The following MAGI2 variants were observed in gnomAD, a reference collection of about 807,000 sequenced individuals.
MAGI2 encodes membrane-associated guanylate kinase, WW and PDZ domain-containing protein 2.
In MAGI2, 35 loss-of-function variants were observed where a neutral mutation model predicts 133.3. That is an observed-to-expected ratio of 0.26 (90% CI 0.20 to 0.35). The LOEUF is 0.35. MAGI2 is among the 10% of genes least tolerant of loss of function. The pLI is 1.00. For synonymous variants in MAGI2, 729 were observed against 710.6 expected (o/e 1.03, Z -0.41); for missense variants, 1,636 against 1,863.4 (o/e 0.88, Z 2.25).
At chr7:78,620,254 A>T (rs1807584369) in intron 3 of MAGI2, among the ~76,000 whole-genome samples, 1 of 152,014 alleles carries the variant, frequency 6.6e-6, no homozygotes, top group Non-Finnish European at 1.5e-5. Context: ...GCCAATAATG[A>T]TTTTTTATGA....
intron 3 of MAGI2, chr7:78,615,039 T>A (rs1806926258): frequency 6.6e-6 from 1 of 152,146 alleles, no homozygotes; most frequent in Admixed American, 6.6e-5. Flanking sequence ...ATGACTCAAT[T>A]TTCGCATTCC....
chr7:79,206,714 T>C (rs1371641805), intron 1 of MAGI2, among the ~76,000 whole-genome samples: 1 of 151,952 alleles, frequency 6.6e-6, no homozygotes, highest in Admixed American at 6.6e-5. Flanking sequence ...AAACTTATTT[T>C]ATGTGGCCAG....
intron 1 of MAGI2, among the ~76,000 whole-genome samples, chr7:79,211,741 T>A (rs1468288080): frequency 6.6e-6 from 1 of 152,110 alleles, no homozygotes; most frequent in Admixed American, 6.5e-5. Context: ...AAAAGATAAT[T>A]AATTTTGTAA....
intron 4 of MAGI2, among the ~76,000 whole-genome samples, chr7:78,509,070 T>C (rs1305017648): frequency 6.6e-6 from 1 of 152,100 alleles, no homozygotes; most frequent in African/African-American, 2.4e-5. Flanking sequence ...AACACTGACA[T>C]TTTTTGTGCA....
chr7:78,705,120 C>T (rs938232355), intron 2 of MAGI2, among the ~76,000 whole-genome samples: 6 of 152,012 alleles, frequency 3.9e-5, no homozygotes, highest in African/African-American at 1.4e-4. Context: ...TAGTTTGGCT[C>T]TGTGTTCCCA....
chr7:78,057,977 GTATATATATA>G lies in MAGI2; in HGVS notation c.3706+20960_3706+20969del, dbSNP rs58788674. On this transcript the variant is annotated intron_variant, in intron 21 of 21. Coordinates refer to ENST00000354212, the MANE Select transcript of MAGI2 (RefSeq NM_012301.4). ...CCCCTCTGGCATTTTATATATATGT[GTATATATATA>G]TATATATATATATATATGTATGAGA... 6.9e-3 allele frequency among the ~76,000 whole-genome samples: 738 copies of G among 106,610 alleles called. 60 individuals are homozygous for G. Among genetic ancestry groups the G allele is most frequent in the African/African-American group, 0.023 (692 of 29,762 alleles). The allele number at this position is 106,610 out of a possible 152,430, so 69.9% of individuals were successfully genotyped here.
At chr7:79,069,160 T>C (rs1374821392) in intron 1 of MAGI2, among the ~76,000 whole-genome samples, 2 of 152,140 alleles carry the variant, frequency 1.3e-5, no homozygotes, top group East Asian at 3.9e-4. Context: ...TCTTTGTTAA[T>C]TTTCTGTCTC....
At chr7:78,051,883 C>A (rs1240215056) in intron 21 of MAGI2, among the ~76,000 whole-genome samples, 1 of 115,544 alleles carries the variant, frequency 8.7e-6, no homozygotes, top group Non-Finnish European at 1.7e-5. Context: ...CCATACCCAG[C>A]CTTTTTTTTT....
chr7:78,137,176 T>C (rs893036899), intron 16 of MAGI2, among the ~76,000 whole-genome samples: 20 of 152,210 alleles, frequency 1.3e-4, no homozygotes, highest in Non-Finnish European at 2.4e-4. Flanking sequence ...TTCCTGTTTT[T>C]GCCCCCTTTC....
At chr7:78,246,509 T>C (rs1461366118) in intron 10 of MAGI2, among the ~76,000 whole-genome samples, 1 of 152,116 alleles carries the variant, frequency 6.6e-6, no homozygotes, top group African/African-American at 2.4e-5. Context: ...ACTAGTACCC[T>C]CCTTCCCTGG....
intron 21 of MAGI2, among the ~76,000 whole-genome samples, chr7:78,028,421 A>G (rs73703874): frequency 1.3e-5 from 2 of 152,194 alleles, no homozygotes; most frequent in African/African-American, 4.8e-5. Flanking sequence ...CTCTATGGCC[A>G]AAAGGGCAAA....
chr7:79,304,203 C>CTGTGTGTGTGTGTGTGTGTG (rs1184824177), intron 1 of MAGI2, among the ~76,000 whole-genome samples: 15 of 135,476 alleles, frequency 1.1e-4, no homozygotes, highest in East Asian at 6.9e-4. Flanking sequence ...GTGTGTGTGT[C>CTGTGTGTGTGTGTGTGTGTG]TGTGTGTGTG....
Position 78,088,239 on chromosome 7 carries a change from C to T in MAGI2, c.3568-9154G>A, listed in dbSNP as rs114123513. 6.5e-3 allele frequency among the ~76,000 whole-genome samples: 992 copies of T among 152,298 alleles called. 12 individuals carry two copies. Among genetic ancestry groups the T allele is most frequent in the African/African-American group, 0.022 (922 of 41,554 alleles). On this transcript the variant is annotated intron_variant, in intron 20 of 21. Transcript: ENST00000354212. ...ATAAGCATTCGGCTTTGTGCAATGA[C>T]TTCTATACTGACTCATGGTAACAAT...
intron 3 of MAGI2, among the ~76,000 whole-genome samples, chr7:78,606,549 T>C (rs1278002581): frequency 1.3e-5 from 2 of 152,172 alleles, no homozygotes; most frequent in East Asian, 1.9e-4. Flanking sequence ...TTTTCTTACA[T>C]GTTTTTCCTT....
chr7:78,831,602 T>G (rs764607530), intron 2 of MAGI2, among the ~76,000 whole-genome samples: 1 of 152,204 alleles, frequency 6.6e-6, no homozygotes, highest in Non-Finnish European at 1.5e-5. Flanking sequence ...GCAACTAACT[T>G]CATTGATCTT....
chr7:79,425,093 G>GA (rs575090535), intron 1 of MAGI2, among the ~76,000 whole-genome samples: 62 of 151,380 alleles, frequency 4.1e-4, no homozygotes, highest in African/African-American at 1.5e-3. Context: ...ACTAAAAATA[G>GA]AAAAAAAATT....
intron 1 of MAGI2, among the ~76,000 whole-genome samples, chr7:79,388,654 A>G (rs138860754): frequency 6.7e-4 from 102 of 151,952 alleles, no homozygotes; most frequent in African/African-American, 2.3e-3. Flanking sequence ...TGAATCTTAC[A>G]GAAAGGCAAA....
chr7:78,070,983 T>C (rs968651643), intron 21 of MAGI2, among the ~76,000 whole-genome samples: 9 of 152,176 alleles, frequency 5.9e-5, no homozygotes, highest in African/African-American at 1.7e-4. Flanking sequence ...TGGTCTAATA[T>C]ATTTTTATCA....
Position 79,416,729 on chromosome 7 carries a change from TTC to T in MAGI2, c.301+36289_301+36290del, listed in dbSNP as rs1449513763. ...TTTTTCTTTTCTTTTCTTTTTCTTT[TTC>T]TTTTTTTTTTTTTGAGGTGGAGTCT... On this transcript the variant is annotated intron_variant, in intron 1 of 21. Transcript: ENST00000354212. Among the ~76,000 whole-genome samples, 24 of 135,728 alleles carry T rather than the reference TTC, an allele frequency of 1.8e-4. 10 individuals carry two copies. Among genetic ancestry groups the T allele is most frequent in the Non-Finnish European group, 2.5e-4 (16 of 63,246 alleles). The allele number at this position is 135,728 out of a possible 152,430, so 89.0% of individuals were successfully genotyped here. A position where few individuals can be genotyped will look rare whatever the true frequency, so the allele number is the denominator to read the frequency against.
Sources: gnomAD v4.1 joint callset for allele counts (sites outside exome capture counted in the v4.1 genomes callset) on GRCh38, gnomAD v4.1.1 for gene constraint, MANE v1.5 for transcripts, NCBI Gene and HGNC (gene_info 2026-07-23, HGNC 2026-07-21) for gene names.